SLA: variants seen among roughly 807,000 people sequenced by gnomAD.
SLA encodes the protein src-like-adapter.
A neutral mutation model predicts 30.3 loss-of-function variants in SLA; 16 were observed. The ratio of observed to expected loss-of-function variants is 0.53; its 90% CI spans 0.36 to 0.80. SLA has a LOEUF of 0.80. Ranked by LOEUF, SLA falls within the 30% of genes least tolerant of loss-of-function variation. The probability of loss-of-function intolerance (pLI) is 0.01; values close to 1 mark genes in which losing one functional copy is unlikely to be tolerated. For missense variants in SLA, 310 were observed against 345.2 expected (o/e 0.90, Z 0.81); for synonymous variants, 143 against 137.8 (o/e 1.04, Z -0.26).
chr8:133,066,313 G>A (rs1284206589), intron 2 of SLA, among the ~76,000 whole-genome samples: 1 of 120,902 alleles, frequency 8.3e-6, no homozygotes, highest in Non-Finnish European at 1.6e-5. Context: ...GTGACAGAGC[G>A]AGACTCTGTC....
intron 1 of SLA, among the ~76,000 whole-genome samples, chr8:133,093,248 C>T (rs1847869811): frequency 6.6e-6 from 1 of 152,020 alleles, no homozygotes; most frequent in South Asian, 2.1e-4. Flanking sequence ...TAGGCTAAAT[C>T]ATATTGACGC....
intron 2 of SLA, among the ~76,000 whole-genome samples, chr8:133,065,718 G>A (rs1480529315): frequency 6.6e-6 from 1 of 151,964 alleles, no homozygotes; most frequent in African/African-American, 2.4e-5. Flanking sequence ...GTTGAGATCA[G>A]GCCATTGTAC....
At chr8:133,053,860 G>A (rs1840875151) in intron 3 of SLA, among the ~76,000 whole-genome samples, 1 of 152,152 alleles carries the variant, frequency 6.6e-6, no homozygotes, top group Non-Finnish European at 1.5e-5. Flanking sequence ...GATAGCTATG[G>A]CACTTAAACA....
chr8:133,050,713 C>A (rs1207476264), intron 4 of SLA, 103 bp downstream of exon 4: 2 of 769,538 alleles, frequency 2.6e-6, no homozygotes, highest in South Asian at 1.6e-5. Context: ...AGGACCAGGA[C>A]TCATGTGGAA....
intron 1 of SLA, among the ~76,000 whole-genome samples, chr8:133,099,755 C>T (rs1848968016): frequency 6.6e-6 from 1 of 152,176 alleles, no homozygotes; most frequent in Non-Finnish European, 1.5e-5. Flanking sequence ...CTCTCTCATA[C>T]CCTACCAGCA....
Position 133,044,994 on chromosome 8 carries a change from G to C in SLA, c.474C>G (p.Asn158Lys). The C allele has an allele frequency of 6.2e-7, 1 of 1,614,164 alleles. No individual in the cohort carries two copies. Among genetic ancestry groups the C allele is most frequent in the Non-Finnish European group, 8.5e-7 (1 of 1,179,988 alleles). ...LTFQCLEDLVNHYSEVADGLC... is the reference protein window; with the variant it reads ...LTFQCLEDLVKHYSEVADGLC... ...TTGTATGTCTCTTACCAGAATAGTGGTTCACCAGGTCCTCCAGGCACTGGA... is the reference window on the plus strand; with the variant it reads ...TTGTATGTCTCTTACCAGAATAGTGCTTCACCAGGTCCTCCAGGCACTGGA... Residue 158 changes from asparagine to lysine, a missense_variant, in exon 7 of 9, where the codon AAC becomes AAG. Physicochemically the swap from Asn to Lys is moderately conservative, Grantham distance 94 (BLOSUM62 0). Coordinates refer to ENST00000338087, the MANE Select transcript of SLA (RefSeq NM_001045556.3).
chr8:133,074,646 T>C (rs184936460), intron 2 of SLA, among the ~76,000 whole-genome samples: 1 of 152,282 alleles, frequency 6.6e-6, no homozygotes, highest in Admixed American at 6.5e-5. Context: ...CCAGCCCTTC[T>C]CTCCACAGAA....
intron 2 of SLA, among the ~76,000 whole-genome samples, chr8:133,067,184 C>T (rs997069254): frequency 2.6e-5 from 4 of 152,144 alleles, no homozygotes; most frequent in African/African-American, 9.7e-5. Flanking sequence ...TTCACAGGTG[C>T]ACCTCTCTGA....
chr8:133,060,344 T>C, intron 2 of SLA, 144 bp from the exon 3 acceptor site: 6 of 1,545,982 alleles, frequency 3.9e-6, no homozygotes, highest in Non-Finnish European at 5.2e-6. Context: ...AAGATGAGAT[T>C]GGTGAAGATT....
chr8:133,049,113 G>A (rs1489173213), intron 5 of SLA: 5 of 455,078 alleles, frequency 1.1e-5, no homozygotes, highest in Admixed American at 9.4e-5. Context: ...AAGGAAGGAA[G>A]CCAAGATTTG....
At chr8:133,063,756 G>A (rs1217343400) in intron 2 of SLA, 3 of 152,220 alleles carry the variant, frequency 2.0e-5, no homozygotes, top group African/African-American at 7.2e-5. Flanking sequence ...AAACCATCAG[G>A]TCTCAACAGC....
intron 2 of SLA, among the ~76,000 whole-genome samples, chr8:133,071,397 C>G (rs1844006803): frequency 6.6e-6 from 1 of 152,128 alleles, no homozygotes; most frequent in South Asian, 2.1e-4. Flanking sequence ...TGTCCTTAGG[C>G]CTGAGGAAAG....
chr8:133,080,606 C>A (rs1020577199), intron 1 of SLA, among the ~76,000 whole-genome samples: 2 of 152,192 alleles, frequency 1.3e-5, no homozygotes, highest in Non-Finnish European at 1.5e-5. Flanking sequence ...ATCCCTTTCC[C>A]ACAGGAACCA....
rs902308994 is a variant in SLA, at chr8:133,042,690, T to C, written c.484+2294A>G. 1.2e-3 allele frequency among the ~76,000 whole-genome samples: 152 copies of C among 123,044 alleles called. 2 individuals carry two copies. Among genetic ancestry groups the C allele is most frequent in the Non-Finnish European group, 1.8e-3 (113 of 61,390 alleles). The allele number at this position is 123,044 out of a possible 152,430, so 80.7% of individuals were successfully genotyped here. A position where few individuals can be genotyped will look rare whatever the true frequency, so the allele number is the denominator to read the frequency against. On this transcript the variant is annotated intron_variant, in intron 7 of 8. Coordinates refer to ENST00000338087, the MANE Select transcript of SLA (RefSeq NM_001045556.3). The stretch of plus-strand genomic sequence containing the variant: ...TCTCATTCTGTGTCTTTTTTTTTTT[T>C]TTTTTTTTTTTTTTTTTTTGTGAGA...
chr8:133,081,098 C>T (rs1845674812), intron 1 of SLA, among the ~76,000 whole-genome samples: 1 of 152,238 alleles, frequency 6.6e-6, no homozygotes, highest in Non-Finnish European at 1.5e-5. Context: ...TCATGAGGGT[C>T]CATACATAAT....
At chr8:133,069,306 G>A (rs771344359) in intron 2 of SLA, among the ~76,000 whole-genome samples, 4 of 152,190 alleles carry the variant, frequency 2.6e-5, no homozygotes, top group Non-Finnish European at 5.9e-5. Context: ...AGCAAGATGG[G>A]AATCAGCATT....
rs754076397 is a variant in SLA at position 133,049,919 on chromosome 8, C to T, written c.231G>A (p.Val77=). The T allele has an allele frequency of 3.1e-6, 5 of 1,611,298 alleles. No homozygotes were observed. In the East Asian group the frequency reaches 1.1e-4, roughly 36 times the overall value. Residue 77 remains valine (V), a synonymous_variant, in exon 5 of 9, where the codon GTG becomes GTA. Transcript: ENST00000338087. ...GRESYIPGIC[V]ARVYHGWLFE... ...GTACTCACCCATGGTAAACTCTGGCCACACATATTCCAGGGATGTAACTCT... is the reference window on the plus strand; with the variant it reads ...GTACTCACCCATGGTAAACTCTGGCTACACATATTCCAGGGATGTAACTCT...
At chr8:133,057,830 G>C (rs1448946472) in intron 3 of SLA, among the ~76,000 whole-genome samples, 2 of 151,622 alleles carry the variant, frequency 1.3e-5, no homozygotes, top group Non-Finnish European at 2.9e-5. Context: ...GGCATTCACT[G>C]TCCTGGCTTG....
At chr8:133,057,607 C>T (rs1841683109) in intron 3 of SLA, among the ~76,000 whole-genome samples, 1 of 152,112 alleles carries the variant, frequency 6.6e-6, no homozygotes, top group African/African-American at 2.4e-5. Flanking sequence ...CCTAAAGTCA[C>T]ACAGCTTCCA....
Sources: gnomAD v4.1 joint callset for allele counts (sites outside exome capture counted in the v4.1 genomes callset) on GRCh38, gnomAD v4.1.1 for gene constraint, MANE v1.5 for transcripts, NCBI Gene and HGNC (gene_info 2026-07-23, HGNC 2026-07-21) for gene names.